TCP11L2: variants seen among roughly 807,000 people sequenced by gnomAD.
TCP11L2 encodes the protein t-complex 11 like 2, also known as T-complex protein 11-like protein 2.
TCP11L2 carries 39 observed loss-of-function variants against 50.7 expected under a neutral mutation model. That is an observed-to-expected ratio of 0.77 (90% confidence interval 0.60 to 1.01). The LOEUF is 1.01. TCP11L2 is among the 50% of genes least tolerant of loss of function. TCP11L2 has a pLI of 0.00. For missense variants in TCP11L2, 612 were observed against 614.7 expected (o/e 1.00, Z 0.05); for synonymous variants, 192 against 219.3 (o/e 0.88, Z 1.10).
intron 1 of TCP11L2, among the ~76,000 whole-genome samples, chr12:106,305,714 A>T (rs1216185438): frequency 6.6e-6 from 1 of 152,196 alleles, no homozygotes; most frequent in African/African-American, 2.4e-5. Flanking sequence ...GCAATCAGGG[A>T]AGGTTACCTC....
intron 1 of TCP11L2, among the ~76,000 whole-genome samples, chr12:106,304,633 C>T (rs780537791): frequency 6.6e-6 from 1 of 152,206 alleles, no homozygotes; most frequent in Non-Finnish European, 1.5e-5. Context: ...CTTGTCCTTG[C>T]AGCTGACCTC....
intron 1 of TCP11L2, chr12:106,303,159 G>C (rs533369949): frequency 6.6e-6 from 1 of 152,212 alleles, no homozygotes; most frequent in Non-Finnish European, 1.5e-5. Flanking sequence ...GTGGGAGCGG[G>C]GAGCGGGGCA....
chr12:106,319,821 G>GCAA (rs2136691216), intron 4 of TCP11L2, among the ~76,000 whole-genome samples: 1 of 152,364 alleles, frequency 6.6e-6, no homozygotes, highest in South Asian at 2.1e-4. Context: ...GGCTCAGAGC[G>GCAA]CAAGCTCTTA....
chr12:106,334,173 GA>G (rs2035834586), intron 6 of TCP11L2, among the ~76,000 whole-genome samples: 1 of 152,146 alleles, frequency 6.6e-6, no homozygotes, highest in Non-Finnish European at 1.5e-5. Context: ...GGGAAACCAG[GA>G]AAAAGTGGTG....
In TCP11L2 at chr12:106,315,472, C is replaced by T. The variant is rs568781355; in HGVS notation, c.293+979C>T. ...CCATCTTCCCCACTTGATTGAAATG[C>T]ACTATTTATGGAGGAGCTATGTCTG... On this transcript the variant is annotated intron_variant, in intron 3 of 9. Coordinates refer to ENST00000299045, the MANE Select transcript of TCP11L2 (RefSeq NM_152772.3). Among the ~76,000 whole-genome samples the T allele has an allele frequency of 2.6e-5, 4 of 152,258 alleles. No individual in the cohort carries two copies. In the South Asian group the frequency reaches 8.3e-4, roughly 32 times the overall value.
At chr12:106,339,908 T>C (rs140630967) in intron 8 of TCP11L2, among the ~76,000 whole-genome samples, 9 of 152,378 alleles carry the variant, frequency 5.9e-5, no homozygotes, top group African/African-American at 2.2e-4. Flanking sequence ...TTAATGATGA[T>C]AAACATGATA....
At chr12:106,321,951 A>G (rs891458573) in intron 5 of TCP11L2, among the ~76,000 whole-genome samples, 1 of 152,210 alleles carries the variant, frequency 6.6e-6, no homozygotes, top group Non-Finnish European at 1.5e-5. Context: ...TGAAAAAGAC[A>G]GATATAATCC....
chr12:106,298,148 GT>G (rs951466915), upstream of TCP11L2, among the ~76,000 whole-genome samples: 2 of 152,154 alleles, frequency 1.3e-5, no homozygotes, highest in Admixed American at 1.3e-4. Flanking sequence ...AAGAAAACTG[GT>G]TTTGGTGCTT....
At chr12:106,298,116 TA>T (rs540106015), upstream of TCP11L2, among the ~76,000 whole-genome samples, 107 of 152,364 alleles carry the variant, frequency 7.0e-4, no homozygotes, top group Non-Finnish European at 1.2e-3. Context: ...ATTTTTTTAC[TA>T]ATTCAGTTCA....
intron 7 of TCP11L2, 93 bp from the exon 8 acceptor site, chr12:106,335,939 A>G (rs2035902665): frequency 2.0e-6 from 3 of 1,496,780 alleles, no homozygotes; most frequent in Non-Finnish European, 2.7e-6. Context: ...AAAATCAGAT[A>G]AAAATGGGAA....
intron 5 of TCP11L2, among the ~76,000 whole-genome samples, chr12:106,323,278 A>C (rs1259709175): frequency 6.6e-6 from 1 of 152,080 alleles, no homozygotes; most frequent in Non-Finnish European, 1.5e-5. Flanking sequence ...AATTTTTCTT[A>C]TATCATTAAG....
At chr12:106,314,052 C>T (rs2034969676) in intron 2 of TCP11L2, among the ~76,000 whole-genome samples, 1 of 152,144 alleles carries the variant, frequency 6.6e-6, no homozygotes, top group Non-Finnish European at 1.5e-5. Context: ...AGGCGTGAGC[C>T]ACTGCGCCTG....
intron 9 of TCP11L2, 131 bp downstream of exon 9, chr12:106,341,129 C>G: frequency 1.3e-6 from 1 of 754,458 alleles, no homozygotes; most frequent in Non-Finnish European, 2.2e-6. Flanking sequence ...TTGAAAATAT[C>G]AAGAAATATT....
intron 3 of TCP11L2, 123 bp downstream of exon 3, chr12:106,314,616 A>G: frequency 1.2e-6 from 1 of 850,570 alleles, no homozygotes; most frequent in South Asian, 1.8e-5. Flanking sequence ...AGAGAGAGAT[A>G]GACACATATT....
Position 106,336,884 on chromosome 12 carries a change from C to G in TCP11L2, c.1142+671C>G, listed in dbSNP as rs532667844. On this transcript the variant is annotated intron_variant, in intron 8 of 9. Coordinates refer to ENST00000299045, the MANE Select transcript of TCP11L2 (RefSeq NM_152772.3). ...TCATTTTTCTGCAGTGAAATGTTTA[C>G]TGACTTCACAAATCCACCTTGCTAC... Among the ~76,000 whole-genome samples, 81 of 152,316 alleles carry G rather than the reference C, an allele frequency of 5.3e-4. 1 individual carries two copies. Among genetic ancestry groups the G allele is most frequent in the African/African-American group, 1.9e-3 (81 of 41,572 alleles).
Position 106,315,510 on chromosome 12 carries a change from C to T in TCP11L2, c.293+1017C>T, listed in dbSNP as rs1403259698. Among the ~76,000 whole-genome samples, 5 of 152,320 alleles carry T rather than the reference C, an allele frequency of 3.3e-5. No individual in the cohort carries two copies. The East Asian group carries it at 7.7e-4, about 23-fold the overall frequency. On this transcript the variant is annotated intron_variant, in intron 3 of 9. Coordinates refer to ENST00000299045, the MANE Select transcript of TCP11L2 (RefSeq NM_152772.3). ...GGAGCTATGTCTGTATTGTTTGTTG[C>T]TGTATCCCTATTGTCTAGCATAGTG...
intron 1 of TCP11L2, among the ~76,000 whole-genome samples, chr12:106,307,765 T>G (rs1403965431): frequency 6.6e-6 from 1 of 152,212 alleles, no homozygotes; most frequent in Admixed American, 6.5e-5. Flanking sequence ...TATGGTGTTA[T>G]CCTGACATAA....
At position 106,336,289 on chromosome 12, in the gene TCP11L2, T is replaced by C. The variant is rs2035919270; in HGVS notation, c.1142+76T>C. On this transcript the variant is annotated intron_variant, in intron 8 of 9. Coordinates refer to ENST00000299045, the MANE Select transcript of TCP11L2 (RefSeq NM_152772.3). ...GTGTCTCAGAGAACAAGAATGACCT[T>C]GGACATCTGGATGTGAGATTCAGGA... 5 of 1,338,190 alleles carry C rather than the reference T, an allele frequency of 3.7e-6. No homozygotes were observed. In the Admixed American group the frequency reaches 1.3e-4, roughly 34 times the overall value. The allele number at this position is 1,338,190 out of a possible 1,614,324, so 82.9% of individuals were successfully genotyped here. A position where few individuals can be genotyped will look rare whatever the true frequency, so the allele number is the denominator to read the frequency against.
rs2035350979 is a variant in TCP11L2 at position 106,321,851 on chromosome 12, T to C, written c.635+145T>C. 12 of 673,596 alleles carry C rather than the reference T, an allele frequency of 1.8e-5. 1 individual carries two copies. The highest frequency in any genetic ancestry group is 3.1e-5 in the Non-Finnish European group (12 of 393,438). 41.7% of individuals were successfully genotyped at this position (673,596 alleles called of 1,614,324 possible). Reference sequence around the variant, plus strand: ...GAAAACCATATAAGCAGAGACCATGTCAATTATTTACTGTATGCAGAGAGT... The same window carrying C: ...GAAAACCATATAAGCAGAGACCATGCCAATTATTTACTGTATGCAGAGAGT... On this transcript the variant is annotated intron_variant, in intron 5 of 9. Coordinates refer to ENST00000299045, the MANE Select transcript of TCP11L2 (RefSeq NM_152772.3).
Sources: gnomAD v4.1 joint callset for allele counts (sites outside exome capture counted in the v4.1 genomes callset) on GRCh38, gnomAD v4.1.1 for gene constraint, MANE v1.5 for transcripts, NCBI Gene and HGNC (gene_info 2026-07-23, HGNC 2026-07-21) for gene names.